Variants in LAMA2 observed in about 807,000 individuals in gnomAD.
LAMA2 encodes the protein laminin subunit alpha 2.
A neutral mutation model predicts 364.8 loss-of-function variants in LAMA2; 269 were observed. That is an observed-to-expected ratio of 0.74 (90% confidence interval 0.67 to 0.82). LAMA2 has a LOEUF of 0.82. Among genes scored for constraint, LAMA2 ranks in the 40% least tolerant of loss-of-function variants. LAMA2 has a pLI of 0.00. For synonymous variants in LAMA2, 1,379 were observed against 1,370.6 expected, an observed-to-expected ratio of 1.01 and a Z score of -0.14; for missense variants, 3,807 against 3,873.2, an observed-to-expected ratio of 0.98 and a Z score of 0.45.
At chr6:129,205,633 T>G (rs1180131843) in intron 12 of LAMA2, among the ~76,000 whole-genome samples, 1 of 151,914 alleles carries the variant, frequency 6.6e-6, no homozygotes. Context: ...AAATGAGTTT[T>G]GGTACACTCG....
At chr6:129,182,356 A>AAACCCTGTC (rs1780982183) in intron 10 of LAMA2, among the ~76,000 whole-genome samples, 1 of 151,610 alleles carries the variant, frequency 6.6e-6, no homozygotes. Flanking sequence ...GAAGGTGATA[A>AAACCCTGTC]AACCCTGTCA....
intron 56 of LAMA2, among the ~76,000 whole-genome samples, chr6:129,487,571 G>C (rs1784655094): frequency 6.6e-6 from 1 of 152,144 alleles, no homozygotes; most frequent in African/African-American, 2.4e-5. Flanking sequence ...TGTAGCAGTA[G>C]TTCAGCCAAG....
At chr6:129,300,602 T>A in intron 21 of LAMA2, 134 bp from the exon 22 acceptor site, 1 of 902,156 alleles carries the variant, frequency 1.1e-6, no homozygotes, top group Non-Finnish European at 1.8e-6. Flanking sequence ...TGAAGTAAGT[T>A]TTTATTTCCA....
At chr6:129,259,920 C>G (rs988055791) in intron 14 of LAMA2, among the ~76,000 whole-genome samples, 5 of 151,918 alleles carry the variant, frequency 3.3e-5, no homozygotes, top group Non-Finnish European at 7.4e-5. Context: ...TCCTTTTACA[C>G]AAAAATAGGA....
chr6:129,004,708 G>T (rs1311880963), intron 1 of LAMA2, among the ~76,000 whole-genome samples: 1 of 152,006 alleles, frequency 6.6e-6, no homozygotes, highest in East Asian at 1.9e-4. Flanking sequence ...TTATTTTCAG[G>T]CCTTATTTAT....
intron 45 of LAMA2, among the ~76,000 whole-genome samples, chr6:129,446,149 A>G (rs1562570983): frequency 1.3e-5 from 2 of 151,948 alleles, no homozygotes; most frequent in East Asian, 1.9e-4. Flanking sequence ...CATGGATGAG[A>G]GTACCTTCCT....
At chr6:128,929,237 A>G (rs1779290901) in intron 1 of LAMA2, 1 of 1,479,978 alleles carries the variant, frequency 6.8e-7, no homozygotes, top group South Asian at 1.1e-5. Flanking sequence ...CCTCTGATTG[A>G]TGTACTGTAA....
At chr6:129,312,838 TG>T in intron 22 of LAMA2, 22 bp from the exon 23 acceptor site, 1 of 1,516,208 alleles carries the variant, frequency 6.6e-7, no homozygotes. Flanking sequence ...TGTTAATGGT[TG>T]CTGTTTTTAT....
intron 12 of LAMA2, among the ~76,000 whole-genome samples, chr6:129,247,706 G>A (rs866067974): frequency 6.6e-6 from 1 of 152,116 alleles, no homozygotes; most frequent in African/African-American, 2.4e-5. Context: ...TTCAAAATAC[G>A]TTGTAATAAT....
At position 129,403,909 on chromosome 6, in the gene LAMA2, G is replaced by A; in HGVS notation, c.5815G>A (p.Glu1939Lys). 6.2e-7 allele frequency: 1 copy of A among 1,613,920 alleles called. No individual in the cohort carries two copies. The change falls in exon 40 of 65, where the codon GAG becomes AAG. Residue 1939 changes from glutamate to lysine, a missense_variant. Around this residue, in one of 3 missense-constraint regions of LAMA2, gnomAD observed 3,333 missense variants for 3,345.7 expected, o/e 1.00. Coordinates refer to ENST00000421865, the MANE Select transcript of LAMA2 (RefSeq NM_000426.4). The part of the protein sequence containing the change: ...SNIKDYIDEA[E>K]KVAKEAKDLA... Reference sequence around the variant, plus strand: ...TATTAAGGACTATATTGATGAAGCTGAGAAAGTTGCCAAAGAAGCCAAAGA... The same window carrying A: ...TATTAAGGACTATATTGATGAAGCTAAGAAAGTTGCCAAAGAAGCCAAAGA...
At chr6:129,081,959 TTTAA>T (rs1196898486) in intron 3 of LAMA2, among the ~76,000 whole-genome samples, 2 of 152,160 alleles carry the variant, frequency 1.3e-5, no homozygotes, top group African/African-American at 4.8e-5. Context: ...CAGAAACTTG[TTTAA>T]TTAATATGTC....
At chr6:129,331,459 G>A (rs919345831) in intron 29 of LAMA2, among the ~76,000 whole-genome samples, 9 of 152,094 alleles carry the variant, frequency 5.9e-5, no homozygotes, top group East Asian at 3.9e-4. Context: ...TCAGAAGAGA[G>A]GTAACAAGCT....
intron 1 of LAMA2, among the ~76,000 whole-genome samples, chr6:128,983,744 T>C (rs1783038386): frequency 6.6e-6 from 1 of 152,146 alleles, no homozygotes; most frequent in Non-Finnish European, 1.5e-5. Context: ...GCTTTGGAGA[T>C]TAAGACAGTA....
At chr6:129,497,638 AGTT>A (rs1366711045) in intron 58 of LAMA2, among the ~76,000 whole-genome samples, 15 of 151,974 alleles carry the variant, frequency 9.9e-5, no homozygotes, top group Non-Finnish European at 1.6e-4. Context: ...GTGCTAGCAC[AGTT>A]GACAGAAAAG....
chr6:129,428,827 G>A (rs1017606982), intron 41 of LAMA2, among the ~76,000 whole-genome samples: 2 of 152,070 alleles, frequency 1.3e-5, no homozygotes, highest in Admixed American at 1.3e-4. Flanking sequence ...TGGGTTTTAT[G>A]TTAAGAATAT....
At chr6:129,389,122 A>G (rs192133793) in intron 35 of LAMA2, among the ~76,000 whole-genome samples, 3 of 152,304 alleles carry the variant, frequency 2.0e-5, no homozygotes, top group Admixed American at 1.3e-4. Flanking sequence ...ATGTCAAGGT[A>G]TAACTGTTAG....
At chr6:129,200,476 GTA>G (rs562034578) in intron 12 of LAMA2, among the ~76,000 whole-genome samples, 12 of 148,650 alleles carry the variant, frequency 8.1e-5, no homozygotes, top group South Asian at 2.1e-4. Flanking sequence ...ACATATACAT[GTA>G]TATATATGTG....
intron 4 of LAMA2, among the ~76,000 whole-genome samples, chr6:129,129,855 C>T (rs1305425653): frequency 3.6e-5 from 5 of 140,438 alleles, no homozygotes; most frequent in South Asian, 2.3e-4. Flanking sequence ...ACCCGGGAGG[C>T]GGAGCTTGCA....
chr6:129,339,650 C>T (rs1294540502), intron 29 of LAMA2, among the ~76,000 whole-genome samples: 5 of 151,970 alleles, frequency 3.3e-5, no homozygotes, highest in Non-Finnish European at 7.4e-5. Flanking sequence ...AAGGAAGAGT[C>T]GATAAAGGAG....
Sources: allele counts gnomAD v4.1 joint callset (sites outside exome capture counted in the v4.1 genomes callset), GRCh38; gene constraint gnomAD v4.1.1; regional missense constraint gnomAD v4.1.1; transcripts MANE v1.5; gene names NCBI Gene and HGNC (gene_info 2026-07-23, HGNC 2026-07-21).